Variants in RIMS1 observed in about 807,000 individuals in gnomAD.
The protein encoded by RIMS1 is regulating synaptic membrane exocytosis 1.
RIMS1 carries 83 observed loss-of-function variants against 214.1 expected under a neutral mutation model. The ratio of observed to expected loss-of-function variants is 0.39; its 90% CI spans 0.32 to 0.47. The LOEUF (loss-of-function observed/expected upper bound fraction) is 0.47. Among genes scored for constraint, RIMS1 ranks in the 20% least tolerant of loss-of-function variants. The pLI, the probability that RIMS1 is intolerant of heterozygous loss-of-function variation, is 0.99. For synonymous variants in RIMS1, 793 were observed against 786.8 expected, an observed-to-expected ratio of 1.01 and a Z score of -0.13; for missense variants, 2,050 against 2,161.8, an observed-to-expected ratio of 0.95 and a Z score of 1.03.
chr6:72,108,743 A>G (rs1463033204), intron 4 of RIMS1, among the ~76,000 whole-genome samples: 1 of 151,750 alleles, frequency 6.6e-6, no homozygotes, highest in Admixed American at 6.6e-5. Flanking sequence ...GTACATGTGC[A>G]CAATATGCAG....
chr6:71,965,093 A>T (rs530686682), intron 1 of RIMS1, among the ~76,000 whole-genome samples: 1 of 152,220 alleles, frequency 6.6e-6, no homozygotes, highest in East Asian at 1.9e-4. Flanking sequence ...ACACAAACAC[A>T]TGTATTTCCC....
chr6:72,340,924 G>A (rs1018346106), intron 29 of RIMS1, among the ~76,000 whole-genome samples: 10 of 152,168 alleles, frequency 6.6e-5, no homozygotes, highest in East Asian at 3.9e-4. Flanking sequence ...AGCATGGAAT[G>A]TTCTTCCATT....
chr6:72,333,499 A>C (rs1258499648), intron 28 of RIMS1, 101 bp from the exon 29 acceptor site: 11 of 983,902 alleles, frequency 1.1e-5, no homozygotes, highest in Non-Finnish European at 1.5e-5. Flanking sequence ...TTTCTCCCTA[A>C]AAATGTGTCT....
At chr6:72,024,973 G>A (rs566396337) in intron 2 of RIMS1, among the ~76,000 whole-genome samples, 131 of 132,456 alleles carry the variant, frequency 9.9e-4, no homozygotes, top group African/African-American at 3.4e-3. Flanking sequence ...GCACTATCTC[G>A]GCTCAGAGCA....
chr6:72,402,846 A>G lies in RIMS1; in HGVS notation c.*2132A>G, dbSNP rs985097971. 3.3e-5 allele frequency: 5 copies of G among 152,548 alleles called. No individual in the cohort carries two copies. Among genetic ancestry groups the G allele is most frequent in the African/African-American group, 9.7e-5 (4 of 41,400 alleles). The allele number at this position is 152,548 out of a possible 1,614,324, so 9.4% of individuals were successfully genotyped here. A position where few individuals can be genotyped will look rare whatever the true frequency, so the allele number is the denominator to read the frequency against. ...GTGTTCTATGTCTTGCCAGATTTCCATTGTGGGTTCTATGGTGCAAAATGG... is the reference window on the plus strand; with the variant it reads ...GTGTTCTATGTCTTGCCAGATTTCCGTTGTGGGTTCTATGGTGCAAAATGG... On this transcript the variant is annotated 3_prime_UTR_variant, in exon 34 of 34. Coordinates refer to ENST00000521978, the MANE Select transcript of RIMS1 (RefSeq NM_014989.7).
At chr6:72,181,203 C>T (rs1006047493) in intron 5 of RIMS1, among the ~76,000 whole-genome samples, 10 of 152,060 alleles carry the variant, frequency 6.6e-5, no homozygotes, top group African/African-American at 2.4e-4. Flanking sequence ...ATTTTGAGAG[C>T]CCTAGGAAAG....
rs756682731 is a variant in RIMS1 at position 72,265,036 on chromosome 6, C to T, written c.3178C>T (p.His1060Tyr). ...PKMPLLQSSSHWNIYSSILPA... is the reference protein window; with the variant it reads ...PKMPLLQSSSYWNIYSSILPA... ...GATGCCTTTATTACAGAGCAGTTCT[C>T]ACTGGAATATTTACAGGTAAGAGCC... is the stretch of plus-strand genomic sequence containing the variant. Residue 1060 changes from histidine (H) to tyrosine (Y), a missense_variant, in exon 20 of 34, where the codon CAC (histidine) becomes TAC (tyrosine). Physicochemically the swap from His to Tyr is moderately conservative, Grantham distance 83 (BLOSUM62 2). Coordinates refer to ENST00000521978, the MANE Select transcript of RIMS1 (RefSeq NM_014989.7). 7 of 1,587,092 alleles carry T rather than the reference C, an allele frequency of 4.4e-6. No homozygotes were observed. The Admixed American group carries it at 6.9e-5, about 16-fold the overall frequency.
chr6:72,196,413 A>G (rs1434354464), intron 6 of RIMS1, among the ~76,000 whole-genome samples: 3 of 150,726 alleles, frequency 2.0e-5, no homozygotes, highest in South Asian at 2.1e-4. Context: ...CTATCTATCT[A>G]TCTATCTAAC....
chr6:72,373,483 C>T (rs187101399), intron 29 of RIMS1, among the ~76,000 whole-genome samples: 64 of 152,316 alleles, frequency 4.2e-4, no homozygotes, highest in African/African-American at 1.5e-3. Context: ...ACACCTCCTA[C>T]TCCTCAAATT....
At chr6:71,951,959 G>A (rs544106776) in intron 1 of RIMS1, among the ~76,000 whole-genome samples, 3 of 152,110 alleles carry the variant, frequency 2.0e-5, no homozygotes, top group Non-Finnish European at 4.4e-5. Flanking sequence ...ACAATTGAAT[G>A]TGGATGTGAG....
At chr6:72,117,710 A>C (rs1469718288) in intron 4 of RIMS1, among the ~76,000 whole-genome samples, 1 of 152,034 alleles carries the variant, frequency 6.6e-6, no homozygotes, top group Non-Finnish European at 1.5e-5. Context: ...GATGGAATTA[A>C]AAAATTCTTT....
chr6:72,401,009 G>GCA lies in RIMS1; in HGVS notation c.*309_*310dup, dbSNP rs143889624. ...CACGCATACACGTACACACACACATGCACACACACACACACCAAATTGAAC... is the reference window on the plus strand; with the variant it reads ...CACGCATACACGTACACACACACATGCACACACACACACACACCAAATTGAAC... On this transcript the variant is annotated 3_prime_UTR_variant, in exon 34 of 34. Coordinates refer to ENST00000521978, the MANE Select transcript of RIMS1 (RefSeq NM_014989.7). The GCA allele has an allele frequency of 1.2e-3, 361 of 303,562 alleles. No individual in the cohort carries two copies. Among genetic ancestry groups the GCA allele is most frequent in the Middle Eastern group, 2.9e-3 (3 of 1,028 alleles). 18.8% of individuals were successfully genotyped at this position (303,562 alleles called of 1,614,324 possible).
intron 32 of RIMS1, 67 bp downstream of exon 32, chr6:72,398,417 C>G: frequency 1.1e-6 from 1 of 924,180 alleles, no homozygotes; most frequent in Non-Finnish European, 1.6e-6. Context: ...AAAACATTTG[C>G]TGCATTTGAA....
intron 2 of RIMS1, among the ~76,000 whole-genome samples, chr6:71,985,490 T>C (rs1454847592): frequency 2.0e-5 from 3 of 152,184 alleles, no homozygotes; most frequent in Non-Finnish European, 2.9e-5. Context: ...GTCCATGCTC[T>C]TGAGTTATGT....
intron 19 of RIMS1, chr6:72,261,195 T>C: frequency 9.8e-7 from 1 of 1,015,740 alleles, no homozygotes; most frequent in Non-Finnish European, 1.2e-6. Flanking sequence ...TTTAATTTCC[T>C]TTTAGAATTT....
chr6:71,969,371 C>T (rs1254651242), intron 2 of RIMS1, among the ~76,000 whole-genome samples: 1 of 152,112 alleles, frequency 6.6e-6, no homozygotes, highest in Non-Finnish European at 1.5e-5. Context: ...TGTGTATGAG[C>T]TGGAATATAA....
At chr6:71,921,282 A>G (rs1256982756) in intron 1 of RIMS1, among the ~76,000 whole-genome samples, 2 of 152,018 alleles carry the variant, frequency 1.3e-5, no homozygotes, top group African/African-American at 4.8e-5. Flanking sequence ...CACCATGCCC[A>G]GCTAATTTTT....
chr6:71,984,604 T>A (rs1584163894), intron 2 of RIMS1, among the ~76,000 whole-genome samples: 1 of 152,332 alleles, frequency 6.6e-6, no homozygotes, highest in East Asian at 1.9e-4. Flanking sequence ...TCAAACTGGT[T>A]GCCAGTACTT....
At chr6:72,042,519 T>C (rs1273102110) in intron 2 of RIMS1, among the ~76,000 whole-genome samples, 1 of 151,934 alleles carries the variant, frequency 6.6e-6, no homozygotes, top group Non-Finnish European at 1.5e-5. Context: ...ATGTTTAATA[T>C]TTGGAGAATA....
Sources: allele counts gnomAD v4.1 joint callset (sites outside exome capture counted in the v4.1 genomes callset), GRCh38; gene constraint gnomAD v4.1.1; transcripts MANE v1.5; gene names NCBI Gene and HGNC (gene_info 2026-07-23, HGNC 2026-07-21).